Variants in CAMSAP2 observed in about 807,000 individuals in gnomAD.
CAMSAP2 encodes calmodulin-regulated spectrin-associated protein 2.
Under a neutral mutation model 146.1 loss-of-function variants are expected in CAMSAP2, and 26 were observed. The ratio of observed to expected loss-of-function variants is 0.18; its 90% CI spans 0.13 to 0.25. The LOEUF is 0.25. Among genes scored for constraint, CAMSAP2 ranks in the 10% least tolerant of loss-of-function variants. The pLI, the probability that CAMSAP2 is intolerant of heterozygous loss-of-function variation, is 1.00. For missense variants in CAMSAP2, 1,381 were observed against 1,759.3 expected (o/e 0.78, Z 3.85); for synonymous variants, 499 against 596.6 (o/e 0.84, Z 2.38).
intron 4 of CAMSAP2, among the ~76,000 whole-genome samples, chr1:200,816,091 C>G (rs140618887): frequency 2.6e-5 from 4 of 151,800 alleles, no homozygotes; most frequent in African/African-American, 7.3e-5. Flanking sequence ...GTTAGGAGTT[C>G]AAGACCAGCC....
intron 2 of CAMSAP2, among the ~76,000 whole-genome samples, chr1:200,796,158 T>G (rs1436947501): frequency 6.6e-6 from 1 of 152,222 alleles, no homozygotes; most frequent in Non-Finnish European, 1.5e-5. Context: ...TGACTATGTT[T>G]AATACAGATT....
In CAMSAP2 at chr1:200,748,801, C is replaced by A. The variant is rs148864539; in HGVS notation, c.139+8835C>A. Among the ~76,000 whole-genome samples, 16 of 145,472 alleles carry A rather than the reference C, an allele frequency of 1.1e-4. No individual in the cohort carries two copies. In the East Asian group the frequency reaches 3.2e-3, roughly 29 times the overall value. On this transcript the variant is annotated intron_variant, in intron 1 of 16. Transcript: ENST00000358823. ...TATACTTTATACGTGGTGTATAGTT[C>A]TACCACAAGATACTTAATATCTAGT...
intron 1 of CAMSAP2, among the ~76,000 whole-genome samples, chr1:200,745,444 C>T (rs1251014937): frequency 6.6e-6 from 1 of 151,804 alleles, no homozygotes; most frequent in African/African-American, 2.4e-5. Context: ...ACTGATTTCA[C>T]AAATATTCAA....
intron 2 of CAMSAP2, among the ~76,000 whole-genome samples, chr1:200,791,363 G>T (rs1326107368): frequency 6.6e-6 from 1 of 151,758 alleles, no homozygotes; most frequent in Non-Finnish European, 1.5e-5. Flanking sequence ...TATTTACCCC[G>T]TTGGGGATTT....
chr1:200,844,204 T>C (rs78593192), intron 7 of CAMSAP2, among the ~76,000 whole-genome samples: 150 of 152,280 alleles, frequency 9.9e-4, no homozygotes, highest in African/African-American at 3.5e-3. Context: ...GTATTTATTT[T>C]ATGTTAGGCT....
At chr1:200,772,303 C>T (rs913071580) in intron 2 of CAMSAP2, among the ~76,000 whole-genome samples, 2 of 151,890 alleles carry the variant, frequency 1.3e-5, no homozygotes, top group African/African-American at 2.4e-5. Context: ...GGTTATAAAC[C>T]CACATTTAAA....
At chr1:200,844,230 TC>T (rs1667402827) in intron 7 of CAMSAP2, among the ~76,000 whole-genome samples, 1 of 152,082 alleles carries the variant, frequency 6.6e-6, no homozygotes, top group African/African-American at 2.4e-5. Context: ...CCCCTAATTA[TC>T]CTTAATCAGA....
At chr1:200,776,892 T>C (rs1247089814) in intron 2 of CAMSAP2, among the ~76,000 whole-genome samples, 1 of 151,278 alleles carries the variant, frequency 6.6e-6, no homozygotes, top group Non-Finnish European at 1.5e-5. Context: ...GGAGAGACAA[T>C]GAGAAAGGAA....
rs1452534215 is a variant in CAMSAP2, at chr1:200,858,145, C to T, written c.*86C>T. ...TATAGAAAATCTTTCTAATTGCCAA[C>T]AAGACTTTTATTAATTAAAACTGGA... is the stretch of plus-strand genomic sequence containing the variant. On this transcript the variant is annotated 3_prime_UTR_variant, in exon 17 of 17. Coordinates refer to ENST00000358823, the MANE Select transcript of CAMSAP2 (RefSeq NM_203459.4). 3 of 1,197,974 alleles carry T rather than the reference C, an allele frequency of 2.5e-6. No homozygotes were observed. The highest frequency in any genetic ancestry group is 1.6e-5 in the South Asian group (1 of 61,128). The allele number at this position is 1,197,974 out of a possible 1,614,324, so 74.2% of individuals were successfully genotyped here.
rs374736406 is a variant in CAMSAP2 at position 200,848,168 on chromosome 1, C to G, written c.1399C>G (p.His467Asp). The change falls in exon 11 of 17, where the codon CAC (histidine) becomes GAC (aspartate). Residue 467 changes from histidine to aspartate, a missense_variant. This residue lies in a region of CAMSAP2 where 447 missense variants were observed against 462.2 expected (regional missense o/e 0.97). Coordinates refer to ENST00000358823, the MANE Select transcript of CAMSAP2 (RefSeq NM_203459.4). The stretch of plus-strand genomic sequence containing the variant: ...TCTGAACAACAGTCATGTATCTAAA[C>G]ACATTAGGAAAAATTTGTCCTTCAA... ...LTLNNSHVSK[H>D]IRKNLSFKPI... The G allele has an allele frequency of 7.4e-6, 12 of 1,613,770 alleles. No homozygotes were observed. The highest frequency in any genetic ancestry group is 1.0e-5 in the Non-Finnish European group (12 of 1,179,808).
chr1:200,801,576 C>T (rs992898115), intron 2 of CAMSAP2, among the ~76,000 whole-genome samples: 17 of 152,172 alleles, frequency 1.1e-4, no homozygotes, highest in African/African-American at 3.9e-4. Flanking sequence ...ACCGATCAAA[C>T]GTAGGTTTGG....
intron 2 of CAMSAP2, among the ~76,000 whole-genome samples, chr1:200,780,322 C>T (rs1665396816): frequency 6.6e-6 from 1 of 152,128 alleles, no homozygotes; most frequent in Non-Finnish European, 1.5e-5. Flanking sequence ...AAGGTGTTGT[C>T]AGCTGATACA....
chr1:200,846,822 G>A (rs1241232155), intron 8 of CAMSAP2, among the ~76,000 whole-genome samples: 1 of 152,184 alleles, frequency 6.6e-6, no homozygotes, highest in African/African-American at 2.4e-5. Context: ...TCCGTGAGCA[G>A]AGAGGCTGTC....
At chr1:200,768,288 A>G (rs1421017028) in intron 2 of CAMSAP2, among the ~76,000 whole-genome samples, 10 of 152,220 alleles carry the variant, frequency 6.6e-5, no homozygotes, top group African/African-American at 9.6e-5. Flanking sequence ...ATTTGGGAGT[A>G]TAATGGGATG....
intron 2 of CAMSAP2, among the ~76,000 whole-genome samples, chr1:200,761,358 T>TA (rs775708238): frequency 2.1e-4 from 32 of 152,384 alleles, no homozygotes; most frequent in Admixed American, 9.1e-4. Flanking sequence ...TGAAAACTTT[T>TA]ATTTTTTCCG....
Position 200,816,692 on chromosome 1 carries a change from G to A in CAMSAP2, c.645+1048G>A, listed in dbSNP as rs547069996. ...TGTGTATATGTGTGTATATGTACAT[G>A]CACACATATATGTGTATATATACAC... On this transcript the variant is annotated intron_variant, in intron 4 of 16. Coordinates refer to ENST00000358823, the MANE Select transcript of CAMSAP2 (RefSeq NM_203459.4). Among the ~76,000 whole-genome samples the A allele has an allele frequency of 1.3e-3, 168 of 130,502 alleles. 39 individuals are homozygous for A. Among genetic ancestry groups the A allele is most frequent in the African/African-American group, 4.6e-3 (162 of 35,314 alleles). The allele number at this position is 130,502 out of a possible 152,430, so 85.6% of individuals were successfully genotyped here.
chr1:200,742,405 C>A (rs1326588768), intron 1 of CAMSAP2, among the ~76,000 whole-genome samples: 1 of 152,028 alleles, frequency 6.6e-6, no homozygotes, highest in Non-Finnish European at 1.5e-5. Flanking sequence ...GTTTAGAAGA[C>A]CTTGAGTGAC....
At chr1:200,788,595 T>G (rs1298554096) in intron 2 of CAMSAP2, among the ~76,000 whole-genome samples, 2 of 152,218 alleles carry the variant, frequency 1.3e-5, no homozygotes, top group South Asian at 2.1e-4. Context: ...TAGGTTTTAA[T>G]TTGCATTTCC....
chr1:200,803,464 G>C (rs746893328), intron 2 of CAMSAP2, among the ~76,000 whole-genome samples: 1 of 152,076 alleles, frequency 6.6e-6, no homozygotes, highest in Non-Finnish European at 1.5e-5. Context: ...GCAATTAAAC[G>C]TGTATATTTT....
Sources: allele counts gnomAD v4.1 joint callset (sites outside exome capture counted in the v4.1 genomes callset), GRCh38; gene constraint gnomAD v4.1.1; regional missense constraint gnomAD v4.1.1; transcripts MANE v1.5; gene names NCBI Gene and HGNC (gene_info 2026-07-23, HGNC 2026-07-21).